Variants in ITGAV observed in about 807,000 individuals in gnomAD.
The protein encoded by ITGAV is integrin alpha-V.
ITGAV carries 76 observed loss-of-function variants against 143.8 expected under a neutral mutation model. The observed-to-expected ratio is 0.53, with a 90% confidence interval of 0.44 to 0.64. ITGAV has a LOEUF of 0.64. Among genes scored for constraint, ITGAV ranks in the 30% least tolerant of loss-of-function variants. ITGAV has a pLI of 0.00. For synonymous variants in ITGAV, 453 were observed against 446.7 expected, an observed-to-expected ratio of 1.01 and a Z score of -0.18; for missense variants, 1,193 against 1,274.7, an observed-to-expected ratio of 0.94 and a Z score of 0.98.
intron 2 of ITGAV, among the ~76,000 whole-genome samples, chr2:186,617,518 C>G (rs1489583716): frequency 6.6e-6 from 1 of 152,148 alleles, no homozygotes; most frequent in East Asian, 1.9e-4. Context: ...GCAAAATAAA[C>G]ATGAAATTTT....
chr2:186,590,566 C>T, intron 1 of ITGAV, 43 bp downstream of exon 1: 1 of 1,548,150 alleles, frequency 6.5e-7, no homozygotes, highest in South Asian at 1.2e-5. Flanking sequence ...CCCTCCCCCA[C>T]CGCGCGCACC....
intron 13 of ITGAV, among the ~76,000 whole-genome samples, chr2:186,647,080 G>C (rs61762237): frequency 1.3e-5 from 2 of 152,210 alleles, no homozygotes; most frequent in Non-Finnish European, 2.9e-5. Context: ...GGAGTGTACA[G>C]TGTACTCTGA....
At chr2:186,619,970 C>T (rs547478983) in intron 2 of ITGAV, among the ~76,000 whole-genome samples, 73 of 151,398 alleles carry the variant, frequency 4.8e-4, no homozygotes, top group African/African-American at 1.4e-3. Flanking sequence ...CCAGCCTGGG[C>T]GACAGAGCAA....
At chr2:186,644,000 G>A (rs1443564575) in intron 12 of ITGAV, among the ~76,000 whole-genome samples, 3 of 152,210 alleles carry the variant, frequency 2.0e-5, no homozygotes, top group Admixed American at 6.5e-5. Flanking sequence ...CTGGAGTGCA[G>A]TGGTACAATC....
At chr2:186,646,616 A>G in intron 12 of ITGAV, 70 bp from the exon 13 acceptor site, 1 of 1,191,388 alleles carries the variant, frequency 8.4e-7, no homozygotes, top group Non-Finnish European at 1.2e-6. Context: ...TTCCTTCCTC[A>G]TTCTTCCCTT....
At chr2:186,608,272 T>C (rs746513344) in intron 2 of ITGAV, among the ~76,000 whole-genome samples, 3 of 152,168 alleles carry the variant, frequency 2.0e-5, no homozygotes, top group Non-Finnish European at 4.4e-5. Flanking sequence ...AGTTTGAAAG[T>C]TTAGTTGAGC....
chr2:186,660,071 A>G (rs1445048642), intron 18 of ITGAV, among the ~76,000 whole-genome samples: 1 of 152,106 alleles, frequency 6.6e-6, no homozygotes, highest in Non-Finnish European at 1.5e-5. Flanking sequence ...ATTCAGTATT[A>G]TACTTTCTTT....
Position 186,680,330 on chromosome 2 carries a change from A to T in ITGAV, c.*3038A>T, listed in dbSNP as rs202150481. The T allele has an allele frequency of 6.6e-6, 1 of 152,550 alleles. No homozygotes were observed. The highest frequency in any genetic ancestry group is 6.6e-5 in the Admixed American group (1 of 15,262). The allele number at this position is 152,550 out of a possible 1,614,324, so 9.4% of individuals were successfully genotyped here. ...CAGTGTTTTGGAGAGTATTCCTTTT[A>T]GTTTGTTGGTTGGCTGGTTTGAACG... is the stretch of plus-strand genomic sequence containing the variant. On this transcript the variant is annotated 3_prime_UTR_variant, in exon 30 of 30. Transcript: ENST00000261023.
At chr2:186,603,936 C>T in intron 2 of ITGAV, among the ~76,000 whole-genome samples, 1 of 151,272 alleles carries the variant, frequency 6.6e-6, no homozygotes, top group East Asian at 1.9e-4. Flanking sequence ...GTGATCATGG[C>T]TCATTGCAGC....
At chr2:186,612,693 G>A (rs796687545) in intron 2 of ITGAV, among the ~76,000 whole-genome samples, 1 of 152,034 alleles carries the variant, frequency 6.6e-6, no homozygotes, top group Non-Finnish European at 1.5e-5. Flanking sequence ...TTTCCATCTC[G>A]TTGCAATTAA....
At chr2:186,641,675 C>A in intron 12 of ITGAV, 87 bp downstream of exon 12, 1 of 1,016,886 alleles carries the variant, frequency 9.8e-7, no homozygotes, top group Non-Finnish European at 1.5e-6. Context: ...GAAGTCTACA[C>A]GAGCAAATCT....
At chr2:186,612,884 G>T (rs1243617228) in intron 2 of ITGAV, among the ~76,000 whole-genome samples, 1 of 151,996 alleles carries the variant, frequency 6.6e-6, no homozygotes. Flanking sequence ...TTATACTAAG[G>T]ATTTTTTAAA....
chr2:186,670,134 G>C (rs986886954), intron 26 of ITGAV, among the ~76,000 whole-genome samples: 2 of 152,196 alleles, frequency 1.3e-5, no homozygotes, highest in South Asian at 4.1e-4. Context: ...AATCCAGAAG[G>C]TCCCAACAAA....
chr2:186,631,800 A>C (rs1687820743), intron 5 of ITGAV, among the ~76,000 whole-genome samples: 1 of 152,150 alleles, frequency 6.6e-6, no homozygotes, highest in Non-Finnish European at 1.5e-5. Context: ...TGGGAGGCTG[A>C]GGTAGGAGGA....
intron 2 of ITGAV, among the ~76,000 whole-genome samples, chr2:186,617,694 A>G (rs924403040): frequency 6.6e-6 from 1 of 152,244 alleles, no homozygotes; most frequent in Non-Finnish European, 1.5e-5. Flanking sequence ...ATGAAATAAA[A>G]TAATATTTAA....
chr2:186,619,365 A>G (rs1687459220), intron 2 of ITGAV, among the ~76,000 whole-genome samples: 1 of 152,144 alleles, frequency 6.6e-6, no homozygotes, highest in African/African-American at 2.4e-5. Flanking sequence ...TTGATGTCAT[A>G]GAAGTAAAAT....
In ITGAV at chr2:186,645,726, G is replaced by A. The variant is rs1427702273; in HGVS notation, c.1160-960G>A. 2.0e-5 allele frequency among the ~76,000 whole-genome samples: 3 copies of A among 152,148 alleles called. No individual in the cohort carries two copies. The East Asian group carries it at 5.8e-4, about 29-fold the overall frequency. ...TTCACGCCTGTAATCCCCCCACTTT[G>A]GGAGGCCGAGGTGTGTGGATCACGA... On this transcript the variant is annotated intron_variant, in intron 12 of 29. Coordinates refer to ENST00000261023, the MANE Select transcript of ITGAV (RefSeq NM_002210.5).
intron 18 of ITGAV, among the ~76,000 whole-genome samples, chr2:186,663,213 T>A (rs1169650986): frequency 6.6e-6 from 1 of 152,198 alleles, no homozygotes; most frequent in Non-Finnish European, 1.5e-5. Context: ...TTTTTCCAAA[T>A]GACCATGCAA....
intron 2 of ITGAV, among the ~76,000 whole-genome samples, chr2:186,603,175 G>A (rs971543932): frequency 2.6e-5 from 4 of 152,208 alleles, no homozygotes. Context: ...TAAGGAAATA[G>A]TGTGACATTC....
Sources: gnomAD v4.1 joint callset for allele counts (sites outside exome capture counted in the v4.1 genomes callset) on GRCh38, gnomAD v4.1.1 for gene constraint, MANE v1.5 for transcripts, NCBI Gene and HGNC (gene_info 2026-07-23, HGNC 2026-07-21) for gene names.